The following TMEM255B variants were observed in gnomAD, a reference collection of about 807,000 sequenced individuals.
The protein encoded by TMEM255B is family with sequence similarity 70, member B.
TMEM255B carries 35 observed loss-of-function variants against 34.5 expected under a neutral mutation model. The observed-to-expected ratio is 1.01, with a 90% CI of 0.77 to 1.34. The LOEUF (loss-of-function observed/expected upper bound fraction) is 1.34. TMEM255B is among the 40% of genes most tolerant of loss of function. TMEM255B has a pLI of 0.00. For synonymous variants in TMEM255B, 206 were observed against 201.2 expected (o/e 1.02, Z -0.20); for missense variants, 432 against 433.2 (o/e 1.00, Z 0.02).
chr13:113,808,793 G>GT (rs1555302332), intron 8 of TMEM255B, among the ~76,000 whole-genome samples: 67 of 16,094 alleles, frequency 4.2e-3, no homozygotes, highest in Middle Eastern at 0.071. Flanking sequence ...TGTGGTTCCT[G>GT]GGGGGGGGGT....
rs1491434815 is a variant in TMEM255B at position 113,800,096 on chromosome 13, G to GC, written c.423+677_423+678insC. On this transcript the variant is annotated intron_variant, in intron 5 of 8. Transcript: ENST00000375353. The stretch of plus-strand genomic sequence containing the variant: ...TGTGTGTGTTTATGTGTGTGTGTGT[G>GC]GGGGGGGGTAGGCAGGAGGCGTCCC... 3.5e-5 allele frequency: 34 copies of GC among 973,368 alleles called. No homozygotes were observed. In the African/African-American group the frequency reaches 5.9e-4, roughly 17 times the overall value. The allele number at this position is 973,368 out of a possible 1,614,324, so 60.3% of individuals were successfully genotyped here. A position where few individuals can be genotyped will look rare whatever the true frequency, so the allele number is the denominator to read the frequency against.
intron 3 of TMEM255B, among the ~76,000 whole-genome samples, chr13:113,781,957 G>T (rs964143150): frequency 4.0e-5 from 6 of 151,836 alleles, no homozygotes; most frequent in Non-Finnish European, 8.8e-5. Flanking sequence ...ATAGCTAGGG[G>T]GCATGGCTAA....
At chr13:113,772,801 C>T (rs1594627101) in intron 3 of TMEM255B, among the ~76,000 whole-genome samples, 1 of 152,310 alleles carries the variant, frequency 6.6e-6, no homozygotes, top group Non-Finnish European at 1.5e-5. Context: ...GTCTTGATTA[C>T]TGTAGCTTTA....
intron 4 of TMEM255B, among the ~76,000 whole-genome samples, chr13:113,798,418 C>G (rs2050979958): frequency 7.1e-6 from 1 of 141,544 alleles, no homozygotes; most frequent in Admixed American, 7.1e-5. Flanking sequence ...GGATGGATGA[C>G]AGATGAATGG....
At chr13:113,807,887 C>G (rs563423171) in intron 8 of TMEM255B, among the ~76,000 whole-genome samples, 2 of 152,098 alleles carry the variant, frequency 1.3e-5, no homozygotes, top group Admixed American at 6.5e-5. Context: ...GGGGCAGATC[C>G]ACTTCATCCC....
chr13:113,760,211 C>G (rs1042450723), intron 1 of TMEM255B, among the ~76,000 whole-genome samples: 8 of 152,118 alleles, frequency 5.3e-5, no homozygotes, highest in Admixed American at 2.0e-4. Flanking sequence ...CGTTCGGAAC[C>G]GGACGAATTA....
At chr13:113,765,116 C>T (rs757727360) in intron 1 of TMEM255B, among the ~76,000 whole-genome samples, 10 of 152,134 alleles carry the variant, frequency 6.6e-5, no homozygotes, top group African/African-American at 1.9e-4. Flanking sequence ...TGTATCTTTG[C>T]AAGGGTCAAG....
chr13:113,778,065 A>G (rs567711282), intron 3 of TMEM255B, among the ~76,000 whole-genome samples: 14 of 152,288 alleles, frequency 9.2e-5, no homozygotes, highest in Admixed American at 6.5e-4. Flanking sequence ...ACTAGTCCTG[A>G]GCTTGTCAGG....
At chr13:113,771,631 A>C (rs1306892718) in intron 3 of TMEM255B, among the ~76,000 whole-genome samples, 3 of 152,178 alleles carry the variant, frequency 2.0e-5, no homozygotes, top group African/African-American at 7.2e-5. Context: ...GTGAGCCGAG[A>C]TTGAGCCATT....
At position 113,770,210 on chromosome 13, in the gene TMEM255B, G is replaced by A. The variant is rs903571700; in HGVS notation, c.252+1050G>A. ...TAAGGAGGAGCAAGTCCTGTCTTACGTGGATGGCAGCAGGCAAAGACAGAG... is the reference window on the plus strand; with the variant it reads ...TAAGGAGGAGCAAGTCCTGTCTTACATGGATGGCAGCAGGCAAAGACAGAG... On this transcript the variant is annotated intron_variant, in intron 3 of 8. Coordinates refer to ENST00000375353, the MANE Select transcript of TMEM255B (RefSeq NM_182614.4). This position sits in a 1 kb window ranked among gnomAD's most constrained non-coding sequence, Gnocchi z 4.6. Among the ~76,000 whole-genome samples the A allele has an allele frequency of 2.6e-5, 4 of 152,198 alleles. No homozygotes were observed. The highest frequency in any genetic ancestry group is 6.5e-5 in the Admixed American group (1 of 15,290).
At chr13:113,793,204 C>A (rs2050860620) in intron 3 of TMEM255B, among the ~76,000 whole-genome samples, 3 of 152,354 alleles carry the variant, frequency 2.0e-5, no homozygotes, top group East Asian at 3.9e-4. Flanking sequence ...GTGGCCACGT[C>A]CCCCTCTGCC....
At chr13:113,800,690 G>A in intron 5 of TMEM255B, 137 bp from the exon 6 acceptor site, 1 of 761,612 alleles carries the variant, frequency 1.3e-6, no homozygotes, top group Non-Finnish European at 2.2e-6. Context: ...TCTGGAGTCG[G>A]GGGAAAGTCG....
chr13:113,771,911 T>A (rs2050484741), intron 3 of TMEM255B, among the ~76,000 whole-genome samples: 1 of 152,194 alleles, frequency 6.6e-6, no homozygotes, highest in Admixed American at 6.5e-5. Context: ...TGTTTAATCA[T>A]TTGAGGAACT....
At chr13:113,784,888 G>C (rs773604463) in intron 3 of TMEM255B, among the ~76,000 whole-genome samples, 1 of 152,232 alleles carries the variant, frequency 6.6e-6, no homozygotes, top group Non-Finnish European at 1.5e-5. Context: ...GGCACCAAAT[G>C]TAAGAGTTAA....
chr13:113,805,927 G>A (rs2051162883), intron 8 of TMEM255B, among the ~76,000 whole-genome samples: 1 of 152,202 alleles, frequency 6.6e-6, no homozygotes, highest in African/African-American at 2.4e-5. Context: ...TGCAGAGAGA[G>A]CTGTGTCAGG....
At chr13:113,795,018 G>A (rs2050895478) in intron 3 of TMEM255B, 130 bp from the exon 4 acceptor site, 4 of 797,264 alleles carry the variant, frequency 5.0e-6, no homozygotes, top group African/African-American at 1.7e-5. Context: ...GTCATAGGAC[G>A]AAAGGTAGAG....
In TMEM255B at chr13:113,805,027, A is replaced by C. The variant is rs201518325; in HGVS notation, c.812A>C (p.Gln271Pro). 1.3e-4 allele frequency: 215 copies of C among 1,596,556 alleles called. No individual in the cohort carries two copies. The highest frequency in any genetic ancestry group is 1.6e-4 in the East Asian group (7 of 44,496). The stretch of plus-strand genomic sequence containing the variant: ...TGCTCGTCCTACCCTCTGCCCCTTC[A>C]GGTAGGGCCAGCATCACCTGCTGGA... ...PTCSSYPLPL[Q>P]PCSRFPVAPS... Residue 271 changes from glutamine (Q) to proline (P), a missense_variant and splice_region_variant, in exon 8 of 9, where the codon CAG becomes CCG. By Grantham distance (76) the Gln-to-Pro change is moderately conservative. Coordinates refer to ENST00000375353, the MANE Select transcript of TMEM255B (RefSeq NM_182614.4).
rs749462418 is a variant in TMEM255B, at chr13:113,800,932, C to G, written c.509+20C>G. The G allele has an allele frequency of 8.4e-7, 1 of 1,191,470 alleles. No homozygotes were observed. The highest frequency in any genetic ancestry group is 1.1e-6 in the Non-Finnish European group (1 of 878,632). 73.8% of individuals were successfully genotyped at this position (1,191,470 alleles called of 1,614,324 possible). On this transcript the variant is annotated intron_variant, in intron 6 of 8. Coordinates refer to ENST00000375353, the MANE Select transcript of TMEM255B (RefSeq NM_182614.4). Reference sequence around the variant, plus strand: ...CGGGAGGTGAGGGGCACCGGGGACCCCCATATCTACACCTGCGGGAGGTGA... The same window carrying G: ...CGGGAGGTGAGGGGCACCGGGGACCGCCATATCTACACCTGCGGGAGGTGA...
chr13:113,805,617 A>G (rs965473825), intron 8 of TMEM255B, among the ~76,000 whole-genome samples: 1 of 152,172 alleles, frequency 6.6e-6, no homozygotes, highest in Non-Finnish European at 1.5e-5. Context: ...AGACCGGGCC[A>G]CGTTTCTTAC....
Sources: allele counts gnomAD v4.1 joint callset (sites outside exome capture counted in the v4.1 genomes callset), GRCh38; gene constraint gnomAD v4.1.1; non-coding constraint Gnocchi (gnomAD v3.1); transcripts MANE v1.5; gene names NCBI Gene and HGNC (gene_info 2026-07-23, HGNC 2026-07-21).